The following GLRX variants were observed in gnomAD, a reference collection of about 807,000 sequenced individuals.
The protein encoded by GLRX is glutaredoxin-1.
In GLRX, 9 loss-of-function variants were observed where a neutral mutation model predicts 11.1. That is an observed-to-expected ratio of 0.81 (90% CI 0.49 to 1.42). GLRX has a LOEUF of 1.42. Among genes scored for constraint, GLRX ranks in the 40% most tolerant of loss-of-function variants. GLRX has a pLI of 0.00. For synonymous variants in GLRX, 49 were observed against 49.5 expected (o/e 0.99, Z 0.04); for missense variants, 102 against 126.2 (o/e 0.81, Z 0.92).
intron 1 of GLRX, among the ~76,000 whole-genome samples, chr5:95,821,780 A>G (rs1177810556): frequency 4.6e-5 from 7 of 151,986 alleles, no homozygotes; most frequent in African/African-American, 1.7e-4. Context: ...AGCAAATGGG[A>G]CTCTGAGGTC....
intron 1 of GLRX, chr5:95,822,166 A>G (rs888911215): frequency 4.2e-6 from 2 of 476,448 alleles, no homozygotes; most frequent in African/African-American, 3.9e-5. Flanking sequence ...AAGACTCTAG[A>G]TAATTCCCCA....
At chr5:95,819,897 C>CA (rs35347478) in intron 1 of GLRX, among the ~76,000 whole-genome samples, 13,440 of 53,708 alleles carry the variant, frequency 0.25, 2,614 homozygotes, top group East Asian at 0.62. Context: ...GACTCCGTCT[C>CA]AAAAAAAAAA....
chr5:95,816,901 A>G (rs949564938), intron 1 of GLRX: 1 of 264,206 alleles, frequency 3.8e-6, no homozygotes, highest in Non-Finnish European at 7.4e-6. Context: ...CTACAGAAAC[A>G]TGTTTCAGAA....
In GLRX at chr5:95,822,705, G is replaced by C; in HGVS notation, c.-43C>G. On this transcript the variant is annotated 5_prime_UTR_variant, in exon 1 of 3. Coordinates refer to ENST00000237858, the MANE Select transcript of GLRX (RefSeq NM_001118890.2). Reference sequence around the variant, plus strand: ...TCCCCGGGAAGAATCCTCAGTTGCAGGTATTGCTTGGGGTATTGAGCCCCG... The same window carrying C: ...TCCCCGGGAAGAATCCTCAGTTGCACGTATTGCTTGGGGTATTGAGCCCCG... 6.5e-7 allele frequency: 1 copy of C among 1,540,014 alleles called. No homozygotes were observed. The highest frequency in any genetic ancestry group is 2.3e-5 in the East Asian group (1 of 44,194).
At chr5:95,821,291 T>C in intron 1 of GLRX, among the ~76,000 whole-genome samples, 1 of 152,140 alleles carries the variant, frequency 6.6e-6, no homozygotes, top group East Asian at 1.9e-4. Flanking sequence ...CCCGTAGTAG[T>C]GTTTGCACTG....
chr5:95,821,022 G>C (rs887538780), intron 1 of GLRX, among the ~76,000 whole-genome samples: 1 of 151,888 alleles, frequency 6.6e-6, no homozygotes, highest in African/African-American at 2.4e-5. Context: ...AGGTTGAGGA[G>C]AACCCAGGAG....
rs1343662872 is a variant in GLRX, at chr5:95,822,482, A to G, written c.181T>C (p.Leu61=). The G allele has an allele frequency of 1.3e-5, 21 of 1,613,930 alleles. No individual in the cohort carries two copies. Among genetic ancestry groups the G allele is most frequent in the Non-Finnish European group, 1.7e-5 (20 of 1,179,820 alleles). The change falls in exon 1 of 3, where the codon TTG becomes CTG. Residue 61 remains leucine, a synonymous_variant. Transcript: ENST00000237858. ...GTTCTTGCTCCCGTGAGCTGTTGCA[A>G]ATAATCTTGAATCTCGTTAGTGTGG... The part of the protein sequence containing the change: ...TNHTNEIQDY[L]QQLTGARTVP...
In GLRX at chr5:95,816,545, T is replaced by TC. The variant is rs765938223; in HGVS notation, c.288dup (p.Thr97AspfsTer35). On this transcript the variant is annotated frameshift_variant, in exon 2 of 3. Coordinates refer to ENST00000237858, the MANE Select transcript of GLRX (RefSeq NM_001118890.2). LOFTEE classifies it high-confidence loss of function. ...AGAGCTCCAATCTGCTTTAGCCGCGTCAGCAGTTCCCCACTCTGTTGCAAA... is the reference window on the plus strand; with the variant it reads ...AGAGCTCCAATCTGCTTTAGCCGCGTCCAGCAGTTCCCCACTCTGTTGCAAA... 15 of 1,606,262 alleles carry TC rather than the reference T, an allele frequency of 9.3e-6. No homozygotes were observed. The African/African-American group carries it at 1.9e-4, about 20-fold the overall frequency.
Position 95,816,520 on chromosome 5 carries a change from A to T in GLRX, c.314T>A (p.Leu105Gln), listed in dbSNP as rs1746999166. The change falls in exon 2 of 3, where the codon CTG becomes CAG. Residue 105 changes from leucine (L) to glutamine (Q), a missense_variant. Transcript: ENST00000237858. ...CCTGCCACTCACCTGTGGTTACTGC[A>T]GAGCTCCAATCTGCTTTAGCCGCGT... ...LLTRLKQIGA[L>Q]Q 5.8e-6 allele frequency: 9 copies of T among 1,552,554 alleles called. No homozygotes were observed. Among genetic ancestry groups the T allele is most frequent in the Non-Finnish European group, 8.0e-6 (9 of 1,123,676 alleles).
At chr5:95,820,614 C>G (rs60682160) in intron 1 of GLRX, among the ~76,000 whole-genome samples, 31,403 of 149,746 alleles carry the variant, frequency 0.21, 4,330 homozygotes, top group East Asian at 0.69. Context: ...TTGCTTGAAC[C>G]TGGGCGGTGG....
At chr5:95,821,944 A>G (rs1034302383) in intron 1 of GLRX, among the ~76,000 whole-genome samples, 2 of 152,176 alleles carry the variant, frequency 1.3e-5, no homozygotes, top group African/African-American at 4.8e-5. Flanking sequence ...TTAATTTAGA[A>G]CAAGGGGCAG....
chr5:95,822,410 A>T, intron 1 of GLRX, 46 bp downstream of exon 1: 1 of 1,474,940 alleles, frequency 6.8e-7, no homozygotes, highest in Non-Finnish European at 9.5e-7. Context: ...CTGACAAGAA[A>T]AGGCAATCCG....
chr5:95,813,977 A>T lies in GLRX; in HGVS notation c.*419T>A, dbSNP rs187707866. 402 of 151,044 alleles carry T rather than the reference A, an allele frequency of 2.7e-3. 1 individual carries two copies. Among genetic ancestry groups the T allele is most frequent in the African/African-American group, 9.2e-3 (382 of 41,548 alleles). 9.4% of individuals were successfully genotyped at this position (151,044 alleles called of 1,614,324 possible). A position where few individuals can be genotyped will look rare whatever the true frequency, so the allele number is the denominator to read the frequency against. On this transcript the variant is annotated 3_prime_UTR_variant, in exon 3 of 3. Transcript: ENST00000237858. ...AAATGAATTGGACAAAAATCACTGA[A>T]TCATCTATAGGTTTTTTTTATTAGA...
intron 2 of GLRX, among the ~76,000 whole-genome samples, chr5:95,816,039 A>G (rs1746982081): frequency 6.6e-6 from 1 of 152,038 alleles, no homozygotes; most frequent in African/African-American, 2.4e-5. Context: ...TCTGCCTGAA[A>G]AGCTCTTCTG....
Position 95,816,498 on chromosome 5 carries a change from GC to G in GLRX, c.*6+8del. The G allele has an allele frequency of 7.5e-7, 1 of 1,325,330 alleles. No individual in the cohort carries two copies. The highest frequency in any genetic ancestry group is 1.1e-6 in the Non-Finnish European group (1 of 916,374). 82.1% of individuals were successfully genotyped at this position (1,325,330 alleles called of 1,614,324 possible). ...ATGTTCCTGGCCCAGCACCTCACCTGCCACTCACCTGTGGTTACTGCAGAGC... is the reference window on the plus strand; with the variant it reads ...ATGTTCCTGGCCCAGCACCTCACCTGCACTCACCTGTGGTTACTGCAGAGC... On this transcript the variant is annotated splice_region_variant and intron_variant, in intron 2 of 2. Transcript: ENST00000237858.
rs1166663564 is a variant in GLRX, at chr5:95,816,579, AT to A, written c.254del (p.Asp85ValfsTer2). The A allele has an allele frequency of 4.3e-6, 7 of 1,610,754 alleles. No individual in the cohort carries two copies. The highest frequency in any genetic ancestry group is 1.7e-5 in the Admixed American group (1 of 59,994). ...CCCCACTCTGTTGCAAAGAGACTAG[AT>A]CACTGCATCCGCCTATACAATCTTT... The part of the protein sequence containing the change: ...IGKDCIGGCS[D>X]LVSLQQSGEL... On this transcript the variant is annotated frameshift_variant, in exon 2 of 3. Transcript: ENST00000237858. LOFTEE classifies it high-confidence loss of function.
At chr5:95,818,344 G>T (rs1432922915) in intron 1 of GLRX, 1 of 152,340 alleles carries the variant, frequency 6.6e-6, no homozygotes, top group Non-Finnish European at 1.5e-5. Flanking sequence ...TGTTGATAAA[G>T]TTGAGCAAAG....
At chr5:95,817,876 A>C (rs992936212) in intron 1 of GLRX, 1 of 152,230 alleles carries the variant, frequency 6.6e-6, no homozygotes, top group African/African-American at 2.4e-5. Flanking sequence ...AAGCATAATA[A>C]TTGGAGCAAA....
Position 95,822,554 on chromosome 5 carries a change from G to T in GLRX, c.109C>A (p.Pro37Thr), listed in dbSNP as rs143185589. The change falls in exon 1 of 3, where the codon CCC (proline) becomes ACC (threonine). Residue 37 changes from proline to threonine, a missense_variant. Pro to Thr is a conservative substitution (Grantham distance 38). Coordinates refer to ENST00000237858, the MANE Select transcript of GLRX (RefSeq NM_001118890.2). The part of the protein sequence containing the change: ...RRAQEILSQL[P>T]IKQGLLEFVD... Reference sequence around the variant, plus strand: ...AATTCCAGAAGCCCTTGTTTGATGGGCAATTGACTGAGGATCTCTTGGGCC... The same window carrying T: ...AATTCCAGAAGCCCTTGTTTGATGGTCAATTGACTGAGGATCTCTTGGGCC... 199 of 1,613,546 alleles carry T rather than the reference G, an allele frequency of 1.2e-4. No homozygotes were observed. Among genetic ancestry groups the T allele is most frequent in the Non-Finnish European group, 1.6e-4 (184 of 1,179,596 alleles).
Sources: gnomAD v4.1 joint callset for allele counts (sites outside exome capture counted in the v4.1 genomes callset) on GRCh38, gnomAD v4.1.1 for gene constraint, MANE v1.5 for transcripts, NCBI Gene and HGNC (gene_info 2026-07-23, HGNC 2026-07-21) for gene names.